The following ZMAT3 variants were observed in gnomAD, a reference collection of about 807,000 sequenced individuals.
The protein encoded by ZMAT3 is zinc finger matrin-type protein 3.
In ZMAT3, 17 loss-of-function variants were observed where a neutral mutation model predicts 32.3. The ratio of observed to expected loss-of-function variants is 0.53; its 90% CI spans 0.36 to 0.79. The LOEUF (loss-of-function observed/expected upper bound fraction) is 0.79. ZMAT3 is among the 30% of genes least tolerant of loss of function. The probability of loss-of-function intolerance (pLI) is 0.00; values close to 1 mark genes in which losing one functional copy is unlikely to be tolerated. For missense variants in ZMAT3, 329 were observed against 359.7 expected (o/e 0.91, Z 0.69); for synonymous variants, 120 against 133.1 (o/e 0.90, Z 0.68).
chr3:179,049,690 T>C (rs941446479), intron 2 of ZMAT3, among the ~76,000 whole-genome samples: 17 of 152,120 alleles, frequency 1.1e-4, no homozygotes, highest in African/African-American at 3.9e-4. Flanking sequence ...ATTAACTGCC[T>C]ACATCAAAAA....
chr3:179,042,524 G>GC (rs1720004047), intron 2 of ZMAT3, among the ~76,000 whole-genome samples: 1 of 152,012 alleles, frequency 6.6e-6, no homozygotes, highest in Admixed American at 6.6e-5. Context: ...AAACTCAACA[G>GC]CCTTCATGCC....
At chr3:179,031,326 A>G (rs1173143065) in intron 2 of ZMAT3, among the ~76,000 whole-genome samples, 1 of 152,078 alleles carries the variant, frequency 6.6e-6, no homozygotes, top group Non-Finnish European at 1.5e-5. Context: ...CTATGGATAA[A>G]AAAAAATGAA....
chr3:179,044,860 T>A (rs1720144299), intron 2 of ZMAT3, among the ~76,000 whole-genome samples: 1 of 151,194 alleles, frequency 6.6e-6, no homozygotes, highest in Non-Finnish European at 1.5e-5. Context: ...GCGGGGAACA[T>A]CACACACTAG....
intron 2 of ZMAT3, among the ~76,000 whole-genome samples, chr3:179,065,342 C>T (rs937453271): frequency 6.6e-6 from 1 of 152,092 alleles, no homozygotes; most frequent in Non-Finnish European, 1.5e-5. Flanking sequence ...ACTGAGGAAA[C>T]TGAAATTAAG....
At position 179,067,626 on chromosome 3, in the gene ZMAT3, C is replaced by A. The variant is rs1021770766; in HGVS notation, c.127G>T (p.Ala43Ser). The change falls in exon 2 of 6, where the codon GCT becomes TCT. Residue 43 changes from alanine (A) to serine (S), a missense_variant. Physicochemically the swap from Ala to Ser is moderately conservative, Grantham distance 99. Coordinates refer to ENST00000311417, the MANE Select transcript of ZMAT3 (RefSeq NM_022470.4). ...LPPQKPFGQEASLPLAGEEEL... is the reference protein window; with the variant it reads ...LPPQKPFGQESSLPLAGEEEL... ...TCTTCCCCTGCAAGAGGCAAGGAAG[C>A]CTCCTGCCCAAAAGGCTTCTGTGGT... 1 of 1,614,178 alleles carries A rather than the reference C, an allele frequency of 6.2e-7. No individual in the cohort carries two copies. The highest frequency in any genetic ancestry group is 8.5e-7 in the Non-Finnish European group (1 of 1,180,022).
chr3:179,043,597 T>A (rs1239092004), intron 2 of ZMAT3, among the ~76,000 whole-genome samples: 6 of 152,212 alleles, frequency 3.9e-5, no homozygotes, highest in African/African-American at 1.4e-4. Flanking sequence ...GACTTAAATG[T>A]TAGACCTAAA....
chr3:179,027,618 T>C (rs1044134979), intron 4 of ZMAT3, 28 bp downstream of exon 4: 2 of 1,614,030 alleles, frequency 1.2e-6, no homozygotes, highest in South Asian at 1.1e-5. Context: ...CATAACACTT[T>C]GGCCTCAGAG....
At chr3:179,052,910 A>T (rs1315040176) in intron 2 of ZMAT3, among the ~76,000 whole-genome samples, 1 of 151,956 alleles carries the variant, frequency 6.6e-6, no homozygotes, top group African/African-American at 2.4e-5. Context: ...GGCGGATCAC[A>T]TGAGGTCAGG....
intron 2 of ZMAT3, among the ~76,000 whole-genome samples, chr3:179,063,918 TA>T (rs1721273135): frequency 6.6e-6 from 1 of 152,238 alleles, no homozygotes; most frequent in Non-Finnish European, 1.5e-5. Flanking sequence ...GGAATAAAAC[TA>T]AATCTGTGAT....
At position 179,021,166 on chromosome 3, in the gene ZMAT3, T is replaced by C. The variant is rs924971427; in HGVS notation, c.*3851A>G. ...AAAAAATTATTCACCTTGCAGAATT[T>C]AGTGCAATAAGAGACAGGCAGACAA... On this transcript the variant is annotated 3_prime_UTR_variant, in exon 6 of 6. Transcript: ENST00000311417. 4 of 152,220 alleles carry C rather than the reference T, an allele frequency of 2.6e-5. No homozygotes were observed. The highest frequency in any genetic ancestry group is 9.6e-5 in the African/African-American group (4 of 41,452). 9.4% of individuals were successfully genotyped at this position (152,220 alleles called of 1,614,324 possible). A position where few individuals can be genotyped will look rare whatever the true frequency, so the allele number is the denominator to read the frequency against.
intron 1 of ZMAT3, among the ~76,000 whole-genome samples, chr3:179,068,072 G>A (rs1721514382): frequency 6.6e-6 from 1 of 152,094 alleles, no homozygotes; most frequent in Non-Finnish European, 1.5e-5. Context: ...TTTGGCCCGT[G>A]AACATTAACA....
intron 3 of ZMAT3, among the ~76,000 whole-genome samples, chr3:179,029,293 T>C (rs528640518): frequency 2.0e-5 from 3 of 152,230 alleles, no homozygotes; most frequent in Admixed American, 6.5e-5. Context: ...TGGACACCAA[T>C]TTGAGTAATA....
rs1720222883 is a variant in ZMAT3, at chr3:179,046,124, T to C, written c.271-15125A>G. ...GAAATATGGATTTTAGAGGCTTGTC[T>C]GTATGACAACAGGAAGAAGTCACTA... On this transcript the variant is annotated intron_variant, in intron 2 of 5. Coordinates refer to ENST00000311417, the MANE Select transcript of ZMAT3 (RefSeq NM_022470.4). The surrounding 1 kb of genome is among the most constrained non-coding windows in gnomAD (Gnocchi z 4.3). Among the ~76,000 whole-genome samples, 2 of 152,164 alleles carry C rather than the reference T, an allele frequency of 1.3e-5. No individual in the cohort carries two copies. Among genetic ancestry groups the C allele is most frequent in the Admixed American group, 1.3e-4 (2 of 15,284 alleles).
At chr3:179,054,197 G>T (rs1406186914) in intron 2 of ZMAT3, among the ~76,000 whole-genome samples, 1 of 152,198 alleles carries the variant, frequency 6.6e-6, no homozygotes, top group Non-Finnish European at 1.5e-5. Context: ...ACTGCACCTT[G>T]GGACCACTCA....
At chr3:179,031,646 G>A (rs1719200909) in intron 2 of ZMAT3, among the ~76,000 whole-genome samples, 1 of 152,096 alleles carries the variant, frequency 6.6e-6, no homozygotes, top group Non-Finnish European at 1.5e-5. Flanking sequence ...GGTGGCTCAT[G>A]CCTGTATCTC....
intron 2 of ZMAT3, among the ~76,000 whole-genome samples, chr3:179,057,538 G>A (rs141980545): frequency 6.6e-5 from 10 of 152,272 alleles, no homozygotes; most frequent in South Asian, 2.1e-4. Context: ...CCTGTCCTTC[G>A]GTACGTGGAT....
rs931149865 is a variant in ZMAT3, at chr3:179,022,255, A to C, written c.*2762T>G. The C allele has an allele frequency of 6.6e-6, 1 of 152,208 alleles. No homozygotes were observed. Among genetic ancestry groups the C allele is most frequent in the African/African-American group, 2.4e-5 (1 of 41,466 alleles). 9.4% of individuals were successfully genotyped at this position (152,208 alleles called of 1,614,324 possible). Reference sequence around the variant, plus strand: ...GGCTGCTTTTTCTACGTATATAATGAAATTGTTAAGTGGAGAGAGCAAGGG... The same window carrying C: ...GGCTGCTTTTTCTACGTATATAATGCAATTGTTAAGTGGAGAGAGCAAGGG... On this transcript the variant is annotated 3_prime_UTR_variant, in exon 6 of 6. Coordinates refer to ENST00000311417, the MANE Select transcript of ZMAT3 (RefSeq NM_022470.4).
chr3:179,049,991 CAAA>C (rs34239014), intron 2 of ZMAT3, among the ~76,000 whole-genome samples: 66 of 8,120 alleles, frequency 8.1e-3, no homozygotes, highest in African/African-American at 0.031. Context: ...GACTCCGTCT[CAAA>C]AAAAAAAAAA....
In ZMAT3 at chr3:179,023,864, G is replaced by T. The variant is rs1464884681; in HGVS notation, c.*1153C>A. On this transcript the variant is annotated 3_prime_UTR_variant, in exon 6 of 6. Coordinates refer to ENST00000311417, the MANE Select transcript of ZMAT3 (RefSeq NM_022470.4). The stretch of plus-strand genomic sequence containing the variant: ...GCCTCCAGAGTAGCTGGGACTACAG[G>T]CACCCACCACCACGCCCGGCTAATG... 6.7e-6 allele frequency: 1 copy of T among 149,012 alleles called. No homozygotes were observed. Among genetic ancestry groups the T allele is most frequent in the Non-Finnish European group, 1.5e-5 (1 of 67,308 alleles). 9.2% of individuals were successfully genotyped at this position (149,012 alleles called of 1,614,324 possible).
Sources: gnomAD v4.1 joint callset for allele counts (sites outside exome capture counted in the v4.1 genomes callset) on GRCh38, gnomAD v4.1.1 for gene constraint, Gnocchi (gnomAD v3.1) non-coding constraint, MANE v1.5 for transcripts, NCBI Gene and HGNC (gene_info 2026-07-23, HGNC 2026-07-21) for gene names.